The following MACROD2 variants were observed in gnomAD, a reference collection of about 807,000 sequenced individuals.
The protein encoded by MACROD2 is ADP-ribose glycohydrolase MACROD2.
In MACROD2, 36 loss-of-function variants were observed where a neutral mutation model predicts 70.4. That is an observed-to-expected ratio of 0.51 (90% CI 0.39 to 0.68). The LOEUF (loss-of-function observed/expected upper bound fraction) is 0.68. Among genes scored for constraint, MACROD2 ranks in the 30% least tolerant of loss-of-function variants. MACROD2 has a pLI of 0.00. For synonymous variants in MACROD2, 172 were observed against 178.8 expected (o/e 0.96, Z 0.30); for missense variants, 496 against 538.4 (o/e 0.92, Z 0.78).
At chr20:14,685,015 C>T in intron 5 of MACROD2, 56 bp downstream of exon 5, 1 of 1,354,946 alleles carries the variant, frequency 7.4e-7, no homozygotes, top group Non-Finnish European at 1.1e-6. Context: ...ACTTGTTTTA[C>T]TCCAGTGTAT....
intron 8 of MACROD2, among the ~76,000 whole-genome samples, chr20:15,596,816 C>T (rs1307499756): frequency 6.6e-6 from 1 of 152,236 alleles, no homozygotes; most frequent in African/African-American, 2.4e-5. Context: ...GACATTCCTA[C>T]ACCCCTGGAG....
chr20:15,311,259 T>C (rs1353151362), intron 6 of MACROD2, among the ~76,000 whole-genome samples: 1 of 152,152 alleles, frequency 6.6e-6, no homozygotes, highest in East Asian at 1.9e-4. Flanking sequence ...TAGTAATGTT[T>C]GATAGCAAAA....
In MACROD2 at chr20:16,047,679, A is replaced by G. The variant is rs1461807149; in HGVS notation, c.1301-2151A>G. 2.1e-4 allele frequency among the ~76,000 whole-genome samples: 6 copies of G among 29,038 alleles called. No homozygotes were observed. The Admixed American group carries it at 2.2e-3, about 11-fold the overall frequency. 19.1% of individuals were successfully genotyped at this position (29,038 alleles called of 152,430 possible). On this transcript the variant is annotated intron_variant, in intron 17 of 17. Transcript: ENST00000684519. ...TTCAGATGTTCTGGCCCCAGCAGGT[A>G]CCACCCTCAAGCAGATGAACTGTCC...
At chr20:14,222,581 A>G (rs1308165134) in intron 3 of MACROD2, among the ~76,000 whole-genome samples, 1 of 152,162 alleles carries the variant, frequency 6.6e-6, no homozygotes, top group Non-Finnish European at 1.5e-5. Flanking sequence ...TTTCACCACT[A>G]TGCATGCAGT....
chr20:14,015,374 A>C (rs932418905), intron 2 of MACROD2, among the ~76,000 whole-genome samples: 14 of 152,194 alleles, frequency 9.2e-5, no homozygotes, highest in Non-Finnish European at 1.9e-4. Flanking sequence ...TTGAGGCTAG[A>C]AGTTTGAGAC....
chr20:14,576,831 A>G (rs2123334484), intron 4 of MACROD2, among the ~76,000 whole-genome samples: 1 of 152,358 alleles, frequency 6.6e-6, no homozygotes, highest in Middle Eastern at 3.4e-3. Context: ...TAATGCTTTA[A>G]ACACAAATTA....
intron 8 of MACROD2, among the ~76,000 whole-genome samples, chr20:15,641,230 T>A (rs2146774506): frequency 6.6e-6 from 1 of 152,330 alleles, no homozygotes; most frequent in South Asian, 2.1e-4. Flanking sequence ...TTTCTTATTC[T>A]TTTCTTCTCT....
chr20:14,059,508 A>G (rs2053668330), intron 2 of MACROD2, among the ~76,000 whole-genome samples: 1 of 152,190 alleles, frequency 6.6e-6, no homozygotes, highest in Non-Finnish European at 1.5e-5. Flanking sequence ...TACAGAATGA[A>G]TGACTGCAGT....
At chr20:14,537,945 C>T (rs2085386774) in intron 4 of MACROD2, among the ~76,000 whole-genome samples, 2 of 152,156 alleles carry the variant, frequency 1.3e-5, no homozygotes, top group South Asian at 4.1e-4. Flanking sequence ...ACCTTCTTTG[C>T]CTCTTCTCAA....
At chr20:15,694,850 G>A (rs1057439331) in intron 8 of MACROD2, among the ~76,000 whole-genome samples, 5 of 152,236 alleles carry the variant, frequency 3.3e-5, no homozygotes, top group Middle Eastern at 3.4e-3. Context: ...TATAGTTTCA[G>A]GTCTTAGGTT....
chr20:14,076,182 G>GTATGTATGTTATATA, intron 2 of MACROD2, among the ~76,000 whole-genome samples: 1 of 152,238 alleles, frequency 6.6e-6, no homozygotes, highest in South Asian at 2.1e-4. Context: ...ATATGTTTAT[G>GTATGTATGTTATATA]TATGTATGTT....
chr20:14,342,749 T>C (rs2083027241), intron 3 of MACROD2, among the ~76,000 whole-genome samples: 1 of 152,186 alleles, frequency 6.6e-6, no homozygotes, highest in Non-Finnish European at 1.5e-5. Context: ...ACTTAAAATG[T>C]ACCTAAAAAC....
intron 8 of MACROD2, among the ~76,000 whole-genome samples, chr20:15,818,728 T>C (rs1002178623): frequency 6.6e-6 from 1 of 152,162 alleles, no homozygotes; most frequent in Non-Finnish European, 1.5e-5. Context: ...TGGTTGAAAC[T>C]CCTCTGAAAA....
chr20:15,809,333 T>C (rs903409435), intron 8 of MACROD2, among the ~76,000 whole-genome samples: 1 of 152,190 alleles, frequency 6.6e-6, no homozygotes. Context: ...GTATCCCTCA[T>C]CTTAGTCTAT....
intron 2 of MACROD2, among the ~76,000 whole-genome samples, chr20:14,033,501 A>G (rs1353527335): frequency 6.6e-6 from 1 of 152,196 alleles, no homozygotes; most frequent in South Asian, 2.1e-4. Context: ...ATAGCATTCT[A>G]TTCATATTCT....
chr20:14,109,007 G>A lies in MACROD2; in HGVS notation c.271+23279G>A, dbSNP rs999879330. 2.6e-5 allele frequency among the ~76,000 whole-genome samples: 4 copies of A among 152,140 alleles called. No homozygotes were observed. In the East Asian group the frequency reaches 7.7e-4, roughly 29 times the overall value. Reference sequence around the variant, plus strand: ...TGGATCATTCTTAAGGATAGATCATGTGTTAGGTCACAAAACAAGTCTTAA... The same window carrying A: ...TGGATCATTCTTAAGGATAGATCATATGTTAGGTCACAAAACAAGTCTTAA... On this transcript the variant is annotated intron_variant, in intron 3 of 17. Transcript: ENST00000684519.
chr20:15,183,274 C>T (rs942153980), intron 5 of MACROD2, among the ~76,000 whole-genome samples: 1 of 152,130 alleles, frequency 6.6e-6, no homozygotes, highest in Non-Finnish European at 1.5e-5. Context: ...ATGGCTCACT[C>T]CTATAATCCT....
At chr20:15,389,362 G>C (rs771183637) in intron 6 of MACROD2, among the ~76,000 whole-genome samples, 16 of 152,120 alleles carry the variant, frequency 1.1e-4, no homozygotes, top group Non-Finnish European at 2.1e-4. Flanking sequence ...GAGTGAAGAA[G>C]GAAGAAAGAG....
At chr20:15,192,546 C>A (rs1410990445) in intron 5 of MACROD2, among the ~76,000 whole-genome samples, 1 of 152,136 alleles carries the variant, frequency 6.6e-6, no homozygotes, top group African/African-American at 2.4e-5. Flanking sequence ...TGTCCACACA[C>A]CTGGGCTTCA....
Sources: allele counts gnomAD v4.1 joint callset (sites outside exome capture counted in the v4.1 genomes callset), GRCh38; gene constraint gnomAD v4.1.1; transcripts MANE v1.5; gene names NCBI Gene and HGNC (gene_info 2026-07-23, HGNC 2026-07-21).